AHRR: variants seen among roughly 807,000 people sequenced by gnomAD.
AHRR encodes the protein ahR repressor.
AHRR carries 28 observed loss-of-function variants against 44.0 expected under a neutral mutation model. The ratio of observed to expected loss-of-function variants is 0.64; its 90% CI spans 0.47 to 0.87. AHRR has a LOEUF of 0.87. Among genes scored for constraint, AHRR ranks in the 40% least tolerant of loss-of-function variants. The probability of loss-of-function intolerance (pLI) is 0.00; values close to 1 mark genes in which losing one functional copy is unlikely to be tolerated. For synonymous variants in AHRR, 434 were observed against 407.0 expected (o/e 1.07, Z -0.80); for missense variants, 990 against 953.9 (o/e 1.04, Z -0.50).
intron 3 of AHRR, among the ~76,000 whole-genome samples, chr5:374,669 GAGGCCGAGTCCCA>G (rs1743714770): frequency 6.6e-6 from 1 of 152,250 alleles, no homozygotes; most frequent in Admixed American, 6.5e-5. Context: ...GGGGAACAGA[GAGGCCGAGTCCCA>G]AGGCCACCCG....
At chr5:414,118 C>T (rs1335912009) in intron 5 of AHRR, among the ~76,000 whole-genome samples, 1 of 152,120 alleles carries the variant, frequency 6.6e-6, no homozygotes, top group Admixed American at 6.5e-5. Flanking sequence ...CAAAAATTAG[C>T]TGGGTGTGGT....
In AHRR at chr5:437,703, C is replaced by A. The variant is rs904066984; in HGVS notation, c.*2869C>A. The A allele has an allele frequency of 6.6e-6, 1 of 152,408 alleles. No individual in the cohort carries two copies. Among genetic ancestry groups the A allele is most frequent in the East Asian group, 1.9e-4 (1 of 5,266 alleles). 9.4% of individuals were successfully genotyped at this position (152,408 alleles called of 1,614,324 possible). A position where few individuals can be genotyped will look rare whatever the true frequency, so the allele number is the denominator to read the frequency against. ...TGGTGGGTTGCTGCCAGGCAGGCCA[C>A]GCTGTGTTGACGCTGCACTCAGCAC... On this transcript the variant is annotated 3_prime_UTR_variant, in exon 11 of 11. Transcript: ENST00000684583.
rs1169878722 is a variant in AHRR, at chr5:322,307, GATGT to G, written c.-11+489_-11+492del. Among the ~76,000 whole-genome samples, 3 of 152,208 alleles carry G rather than the reference GATGT, an allele frequency of 2.0e-5. No homozygotes were observed. The East Asian group carries it at 5.8e-4, about 29-fold the overall frequency. On this transcript the variant is annotated intron_variant, in intron 1 of 10. Transcript: ENST00000684583. ...CCCAGACCGGATGCCCTGAGAGAGC[GATGT>G]GGCGCCTGGAGTCCACGCTGGGACC... is the stretch of plus-strand genomic sequence containing the variant.
At position 370,371 on chromosome 5, in the gene AHRR, G is replaced by A. The variant is rs1050651135; in HGVS notation, c.245-6239G>A. 6.6e-6 allele frequency among the ~76,000 whole-genome samples: 1 copy of A among 152,226 alleles called. No homozygotes were observed. The highest frequency in any genetic ancestry group is 1.5e-5 in the Non-Finnish European group (1 of 68,038). The stretch of plus-strand genomic sequence containing the variant: ...AATTCTGGGGCGAGCAGGCGTCGGG[G>A]AAGGGTTGGATGGGCGTCCCAGGCT... On this transcript the variant is annotated intron_variant, in intron 3 of 10. Transcript: ENST00000684583. This position sits in a 1 kb window ranked among gnomAD's most constrained non-coding sequence, Gnocchi z 4.5.
rs1345075935 is a variant in AHRR at position 337,946 on chromosome 5, C to CA, written c.-10-5946dup. Among the ~76,000 whole-genome samples the CA allele has an allele frequency of 4.6e-5, 7 of 152,368 alleles. No homozygotes were observed. The highest frequency in any genetic ancestry group is 1.7e-4 in the African/African-American group (7 of 41,594). On this transcript the variant is annotated intron_variant, in intron 1 of 10. Transcript: ENST00000684583. The surrounding 1 kb of genome is among the most constrained non-coding windows in gnomAD (Gnocchi z 4.1). ...GACCGTATTCAGGCCAGTGCAACATCATGCCCTCTATAGGAAGAAATGCTG... is the reference window on the plus strand; with the variant it reads ...GACCGTATTCAGGCCAGTGCAACATCAATGCCCTCTATAGGAAGAAATGCTG...
chr5:374,705 C>T (rs985846951), intron 3 of AHRR, among the ~76,000 whole-genome samples: 1 of 152,244 alleles, frequency 6.6e-6, no homozygotes, highest in African/African-American at 2.4e-5. Context: ...GCCACCGTCT[C>T]CGGGCTTCTG....
rs1308006616 is a variant in AHRR, at chr5:435,669, G to A, written c.*835G>A. On this transcript the variant is annotated 3_prime_UTR_variant, in exon 11 of 11. Transcript: ENST00000684583. ...ACGTAATACAGAGTTCACAGACTCC[G>A]GGTTTGGAAGTACAGAGAAACACAC... 11 of 152,280 alleles carry A rather than the reference G, an allele frequency of 7.2e-5. No individual in the cohort carries two copies. Among genetic ancestry groups the A allele is most frequent in the Admixed American group, 6.5e-4 (10 of 15,280 alleles). The allele number at this position is 152,280 out of a possible 1,614,324, so 9.4% of individuals were successfully genotyped here.
At chr5:403,694 T>A in intron 4 of AHRR, 1 of 816,444 alleles carries the variant, frequency 1.2e-6, no homozygotes, top group Non-Finnish European at 1.9e-6. Context: ...TTTTTTTTTT[T>A]TACTTTCTCT....
intron 6 of AHRR, among the ~76,000 whole-genome samples, chr5:423,155 C>T (rs1014710629): frequency 3.3e-5 from 5 of 152,148 alleles, no homozygotes; most frequent in African/African-American, 1.2e-4. Flanking sequence ...GCAGTCCTGG[C>T]CTCTTGTTTT....
intron 8 of AHRR, 22 bp from the exon 9 acceptor site, chr5:432,441 T>C: frequency 1.2e-6 from 2 of 1,612,734 alleles, no homozygotes; most frequent in African/African-American, 1.3e-5. Flanking sequence ...ACATGTCACA[T>C]GTTCATCTGT....
intron 4 of AHRR, among the ~76,000 whole-genome samples, chr5:410,858 T>C (rs1735443185): frequency 6.6e-6 from 1 of 152,232 alleles, no homozygotes; most frequent in Non-Finnish European, 1.5e-5. Context: ...GTTCTTCTTA[T>C]ATCACTTTTG....
Position 326,167 on chromosome 5 carries a change from T to C in AHRR, c.-11+4348T>C, listed in dbSNP as rs532312399. ...GAACAGTTCAGGGGCATTTAGTACA[T>C]TGACGAAGTTGTGCAGCCACTGCCT... On this transcript the variant is annotated intron_variant, in intron 1 of 10. Coordinates refer to ENST00000684583, the MANE Select transcript of AHRR (RefSeq NM_001377236.1). The surrounding 1 kb of genome is among the most constrained non-coding windows in gnomAD (Gnocchi z 4.1). 2.0e-5 allele frequency among the ~76,000 whole-genome samples: 3 copies of C among 152,364 alleles called. No homozygotes were observed. Among genetic ancestry groups the C allele is most frequent in the East Asian group, 1.9e-4 (1 of 5,190 alleles).
intron 1 of AHRR, among the ~76,000 whole-genome samples, chr5:340,759 T>G (rs1742320457): frequency 7.3e-6 from 1 of 136,848 alleles, no homozygotes; most frequent in Non-Finnish European, 1.6e-5. Flanking sequence ...TGCAATGATG[T>G]GATCTTGGCT....
At chr5:328,380 G>A in intron 1 of AHRR, among the ~76,000 whole-genome samples, 1 of 141,312 alleles carries the variant, frequency 7.1e-6, no homozygotes, top group African/African-American at 2.6e-5. Context: ...CAATTCTCCT[G>A]CCTCAGCCTC....
At chr5:420,761 G>A (rs2126528329) in intron 5 of AHRR, among the ~76,000 whole-genome samples, 2 of 132,480 alleles carry the variant, frequency 1.5e-5, no homozygotes, top group East Asian at 2.2e-4. Flanking sequence ...GGCTCAGTGG[G>A]GATTCCAGAA....
intron 1 of AHRR, among the ~76,000 whole-genome samples, chr5:331,336 A>G (rs1200429687): frequency 1.3e-5 from 2 of 152,108 alleles, no homozygotes; most frequent in African/African-American, 2.4e-5. Flanking sequence ...ATCTGTGAGC[A>G]TATAGTTGTT....
At chr5:328,052 G>A (rs995954557) in intron 1 of AHRR, among the ~76,000 whole-genome samples, 7 of 151,996 alleles carry the variant, frequency 4.6e-5, no homozygotes, top group African/African-American at 1.7e-4. Flanking sequence ...TTTTGTCCTT[G>A]TGATAGTTTG....
intron 4 of AHRR, among the ~76,000 whole-genome samples, chr5:400,255 C>T (rs928427000): frequency 1.3e-5 from 2 of 152,170 alleles, no homozygotes; most frequent in African/African-American, 4.8e-5. Context: ...TTTTTTCTGC[C>T]CTGGAACTGG....
At chr5:401,616 C>T (rs147179064) in intron 4 of AHRR, among the ~76,000 whole-genome samples, 47 of 152,336 alleles carry the variant, frequency 3.1e-4, no homozygotes, top group African/African-American at 1.0e-3. Flanking sequence ...CAGGCGGATG[C>T]GGCGGCGAAA....
Sources: gnomAD v4.1 joint callset for allele counts (sites outside exome capture counted in the v4.1 genomes callset) on GRCh38, gnomAD v4.1.1 for gene constraint, Gnocchi (gnomAD v3.1) non-coding constraint, MANE v1.5 for transcripts, NCBI Gene and HGNC (gene_info 2026-07-23, HGNC 2026-07-21) for gene names.